Variants in CYFIP2 observed in about 807,000 individuals in gnomAD.
CYFIP2 encodes cytoplasmic FMR1-interacting protein 2.
CYFIP2 carries 29 observed loss-of-function variants against 158.7 expected under a neutral mutation model. The observed-to-expected ratio is 0.18, with a 90% CI of 0.14 to 0.25. The LOEUF is 0.25. Among genes scored for constraint, CYFIP2 ranks in the 10% least tolerant of loss-of-function variants. CYFIP2 has a pLI of 1.00. For synonymous variants in CYFIP2, 585 were observed against 617.6 expected, an observed-to-expected ratio of 0.95 and a Z score of 0.78; for missense variants, 852 against 1,639.5, an observed-to-expected ratio of 0.52 and a Z score of 8.29.
intron 11 of CYFIP2, among the ~76,000 whole-genome samples, chr5:157,313,871 T>C (rs1185732961): frequency 6.6e-6 from 1 of 152,214 alleles, no homozygotes; most frequent in Non-Finnish European, 1.5e-5. Context: ...TTAGCATTTT[T>C]ATATAAATAT....
chr5:157,292,295 C>T (rs426391), intron 3 of CYFIP2, among the ~76,000 whole-genome samples: 83,557 of 151,728 alleles, frequency 0.55, 24,287 homozygotes, highest in East Asian at 0.71. Context: ...TCTTGGCTCA[C>T]CGCAACTTCC....
rs9313557 is a variant in CYFIP2, at chr5:157,359,077, A to G, written c.2746A>G (p.Ile916Val). ...CGTGGGGCCACCTCATTTCAAGACT[A>G]TCTGCAGACTCCTGGGTTATCAGGG... ...NFVGPPHFKTICRLLGYQGIA... is the reference protein window; with the variant it reads ...NFVGPPHFKTVCRLLGYQGIA... The change falls in exon 24 of 31, where the codon ATC (isoleucine) becomes GTC (valine). Residue 916 changes from isoleucine (I) to valine (V), a missense_variant. Transcript: ENST00000620254. 192 of 1,613,962 alleles carry G rather than the reference A, an allele frequency of 1.2e-4. No homozygotes were observed. The African/African-American group carries it at 2.4e-3, about 20-fold the overall frequency.
intron 27 of CYFIP2, 75 bp from the exon 28 acceptor site, chr5:157,383,190 C>A: frequency 7.7e-7 from 1 of 1,299,586 alleles, no homozygotes; most frequent in Non-Finnish European, 1.1e-6. Context: ...TCATCAGGTC[C>A]TTTGGGAGTT....
At chr5:157,303,703 C>A (rs1356964183) in intron 7 of CYFIP2, among the ~76,000 whole-genome samples, 3 of 152,122 alleles carry the variant, frequency 2.0e-5, no homozygotes, top group Non-Finnish European at 4.4e-5. Context: ...CCTCTGCATA[C>A]CCTGCAGGGG....
chr5:157,314,108 C>T (rs1759949551), intron 11 of CYFIP2, among the ~76,000 whole-genome samples: 1 of 152,140 alleles, frequency 6.6e-6, no homozygotes, highest in Non-Finnish European at 1.5e-5. Flanking sequence ...AATTTAATAT[C>T]TCTATGTAGG....
chr5:157,393,662 C>T lies in CYFIP2; in HGVS notation c.*662C>T, dbSNP rs1767527304. On this transcript the variant is annotated 3_prime_UTR_variant, in exon 31 of 31. Coordinates refer to ENST00000620254, the MANE Select transcript of CYFIP2 (RefSeq NM_001037333.3). ...TATGCAGGTGGGGTAGGAGACTGAT[C>T]AGGCCTGCTGTGGGGAAGCAGTATG... 2 of 152,136 alleles carry T rather than the reference C, an allele frequency of 1.3e-5. No homozygotes were observed. The highest frequency in any genetic ancestry group is 1.9e-4 in the East Asian group (1 of 5,198). The allele number at this position is 152,136 out of a possible 1,614,324, so 9.4% of individuals were successfully genotyped here. A position where few individuals can be genotyped will look rare whatever the true frequency, so the allele number is the denominator to read the frequency against.
At chr5:157,329,221 A>AT (rs1163683247) in intron 19 of CYFIP2, among the ~76,000 whole-genome samples, 16 of 152,260 alleles carry the variant, frequency 1.1e-4, no homozygotes, top group Non-Finnish European at 2.9e-5. Context: ...GAAAGCAGAG[A>AT]ACACAGCCTT....
chr5:157,324,373 G>A (rs975423468), intron 16 of CYFIP2, among the ~76,000 whole-genome samples: 11 of 152,148 alleles, frequency 7.2e-5, no homozygotes, highest in Admixed American at 4.6e-4. Context: ...ACAGACACAC[G>A]GATGCTAGAC....
intron 6 of CYFIP2, among the ~76,000 whole-genome samples, chr5:157,301,193 G>A (rs890813915): frequency 1.3e-5 from 2 of 152,156 alleles, no homozygotes; most frequent in Admixed American, 1.3e-4. Flanking sequence ...TGTAATATGG[G>A]ACCAGTAAGA....
At chr5:157,340,911 C>T (rs781067468) in intron 22 of CYFIP2, among the ~76,000 whole-genome samples, 159 bp from the exon 23 acceptor site, 9 of 152,164 alleles carry the variant, frequency 5.9e-5, no homozygotes, top group Admixed American at 3.3e-4. Flanking sequence ...GGGAAGATGT[C>T]AGAAGAGTTT....
chr5:157,387,674 A>ATT (rs3052309), intron 28 of CYFIP2, among the ~76,000 whole-genome samples: 33 of 145,978 alleles, frequency 2.3e-4, no homozygotes, highest in East Asian at 1.2e-3. Flanking sequence ...CAGGCTCAGG[A>ATT]TTTTTTTTTT....
intron 28 of CYFIP2, 132 bp from the exon 29 acceptor site, chr5:157,389,057 G>C: frequency 1.3e-6 from 1 of 778,674 alleles, no homozygotes; most frequent in Non-Finnish European, 2.0e-6. Flanking sequence ...TTTGTGCCCT[G>C]CTCTGAACAA....
rs748236385 is a variant in CYFIP2, at chr5:157,382,579, C to A, written c.3040-11C>A. 5.6e-6 allele frequency: 9 copies of A among 1,613,822 alleles called. No individual in the cohort carries two copies. In the Admixed American group the frequency reaches 1.5e-4, roughly 27 times the overall value. ...AAATTGTTTTCTCTTTCTTTACCCC[C>A]ATCTCTGCAGTCTCAGGAGGAGGTC... On this transcript the variant is annotated splice_polypyrimidine_tract_variant and intron_variant, in intron 26 of 30. Coordinates refer to ENST00000620254, the MANE Select transcript of CYFIP2 (RefSeq NM_001037333.3).
At chr5:157,390,979 A>G (rs1040424073) in intron 30 of CYFIP2, among the ~76,000 whole-genome samples, 1 of 152,146 alleles carries the variant, frequency 6.6e-6, no homozygotes, top group Non-Finnish European at 1.5e-5. Flanking sequence ...ACCAAATACC[A>G]GAGTTGTACG....
chr5:157,384,487 C>T (rs748947332), intron 28 of CYFIP2: 6 of 456,728 alleles, frequency 1.3e-5, no homozygotes, highest in Non-Finnish European at 2.6e-5. Flanking sequence ...GGACTCAAAT[C>T]CTCAGCGGAG....
intron 13 of CYFIP2, among the ~76,000 whole-genome samples, chr5:157,319,103 A>C (rs1760382449): frequency 6.6e-6 from 1 of 152,188 alleles, no homozygotes; most frequent in African/African-American, 2.4e-5. Flanking sequence ...ACTTGCAGGC[A>C]GGCAGGTCCC....
intron 29 of CYFIP2, 66 bp downstream of exon 29, chr5:157,389,493 T>A: frequency 7.1e-7 from 1 of 1,415,856 alleles, no homozygotes; most frequent in Non-Finnish European, 9.4e-7. Context: ...GTCATGGGGC[T>A]GCCAGAGTTC....
rs144663702 is a variant in CYFIP2 at position 157,319,294 on chromosome 5, C to T, written c.1357-468C>T. ...TAAACTCAAGCAGCAACTGGCCAAA[C>T]GGTTTCAAAAACAAAGGTTGTAAAA... On this transcript the variant is annotated intron_variant, in intron 13 of 30. Coordinates refer to ENST00000620254, the MANE Select transcript of CYFIP2 (RefSeq NM_001037333.3). Among the ~76,000 whole-genome samples the T allele has an allele frequency of 5.1e-4, 77 of 152,232 alleles. 2 individuals carry two copies. In the East Asian group the frequency reaches 0.013, roughly 26 times the overall value.
rs903522092 is a variant in CYFIP2 at position 157,345,391 on chromosome 5, C to G, written c.2673+4234C>G. 2.0e-5 allele frequency: 3 copies of G among 152,726 alleles called. No homozygotes were observed. In the East Asian group the frequency reaches 5.8e-4, roughly 29 times the overall value. The allele number at this position is 152,726 out of a possible 1,614,324, so 9.5% of individuals were successfully genotyped here. A position where few individuals can be genotyped will look rare whatever the true frequency, so the allele number is the denominator to read the frequency against. On this transcript the variant is annotated intron_variant, in intron 23 of 30. Transcript: ENST00000620254. ...AAATAGCATCCTCACCTTTTAGGACCAGGTCCGTCTCCCTTATTGATTTTT... is the reference window on the plus strand; with the variant it reads ...AAATAGCATCCTCACCTTTTAGGACGAGGTCCGTCTCCCTTATTGATTTTT...
Sources: gnomAD v4.1 joint callset for allele counts (sites outside exome capture counted in the v4.1 genomes callset) on GRCh38, gnomAD v4.1.1 for gene constraint, MANE v1.5 for transcripts, NCBI Gene and HGNC (gene_info 2026-07-23, HGNC 2026-07-21) for gene names.